ADAMTSL1: variants seen among roughly 807,000 people sequenced by gnomAD.
ADAMTSL1 encodes ADAMTS-like protein 1.
Under a neutral mutation model 201.8 loss-of-function variants are expected in ADAMTSL1, and 126 were observed. The ratio of observed to expected loss-of-function variants is 0.62; its 90% CI spans 0.54 to 0.72. ADAMTSL1 has a LOEUF of 0.72. Ranked by LOEUF, ADAMTSL1 falls within the 30% of genes least tolerant of loss-of-function variation. The probability of loss-of-function intolerance (pLI) is 0.00; values close to 1 mark genes in which losing one functional copy is unlikely to be tolerated. For missense variants in ADAMTSL1, 2,679 were observed against 2,277.8 expected (o/e 1.18, Z -3.59); for synonymous variants, 1,121 against 903.4 (o/e 1.24, Z -4.32).
At chr9:18,509,780 T>C (rs1480821161) in intron 2 of ADAMTSL1, among the ~76,000 whole-genome samples, 1 of 152,212 alleles carries the variant, frequency 6.6e-6, no homozygotes, top group Non-Finnish European at 1.5e-5. Flanking sequence ...GAGAGCCAAA[T>C]TGTTACATGT....
In ADAMTSL1 at chr9:18,908,421, G is replaced by A. The variant is rs764102405; in HGVS notation, c.5183-21G>A. ...ACATCTCTTTTCTGTCTCCTCTCCCGACCCCGTCCTCCTTTCCCAGTGGAG... is the reference window on the plus strand; with the variant it reads ...ACATCTCTTTTCTGTCTCCTCTCCCAACCCCGTCCTCCTTTCCCAGTGGAG... On this transcript the variant is annotated intron_variant, in intron 28 of 28. Coordinates refer to ENST00000380548, the MANE Select transcript of ADAMTSL1 (RefSeq NM_001040272.6). 129 of 1,544,326 alleles carry A rather than the reference G, an allele frequency of 8.4e-5. 1 individual carries two copies. The highest frequency in any genetic ancestry group is 3.6e-5 in the South Asian group (3 of 83,844).
chr9:18,022,273 A>G (rs1429629320), intron 1 of ADAMTSL1, among the ~76,000 whole-genome samples: 1 of 152,158 alleles, frequency 6.6e-6, no homozygotes, highest in African/African-American at 2.4e-5. Flanking sequence ...TAGGGAAGTC[A>G]TAGATACCTG....
intron 2 of ADAMTSL1, among the ~76,000 whole-genome samples, chr9:18,320,855 T>A (rs913207176): frequency 6.6e-6 from 1 of 151,982 alleles, no homozygotes; most frequent in African/African-American, 2.4e-5. Context: ...AGTTAAGCCG[T>A]TAGAAAAATT....
intron 1 of ADAMTSL1, among the ~76,000 whole-genome samples, chr9:18,090,951 T>C (rs1278678869): frequency 6.6e-6 from 1 of 151,294 alleles, no homozygotes; most frequent in African/African-American, 2.4e-5. Flanking sequence ...ACACTGTTCA[T>C]GTAGCTTCTC....
chr9:18,600,492 C>A lies in ADAMTSL1; in HGVS notation c.475-21751C>A, dbSNP rs141551415. On this transcript the variant is annotated intron_variant, in intron 4 of 28. Coordinates refer to ENST00000380548, the MANE Select transcript of ADAMTSL1 (RefSeq NM_001040272.6). ...GAATTATACTTCCCTCCTAGACAAC[C>A]CTCCCTGAATTTTAAGCCCCTGAGA... 3.7e-4 allele frequency among the ~76,000 whole-genome samples: 56 copies of A among 152,214 alleles called. 2 individuals are homozygous for A. The East Asian group carries it at 0.01, about 28-fold the overall frequency.
chr9:18,127,025 T>C (rs1825759734), intron 1 of ADAMTSL1, among the ~76,000 whole-genome samples: 2 of 152,152 alleles, frequency 1.3e-5, no homozygotes, highest in Non-Finnish European at 2.9e-5. Flanking sequence ...TCCGTCAAGA[T>C]GCTGGGCAGC....
intron 2 of ADAMTSL1, among the ~76,000 whole-genome samples, chr9:18,429,882 C>T (rs762540057): frequency 5.9e-5 from 9 of 151,976 alleles, no homozygotes; most frequent in South Asian, 4.2e-4. Flanking sequence ...CTCTGCCTCC[C>T]GGGTTCAAGC....
At chr9:18,317,440 T>A (rs1834450790) in intron 2 of ADAMTSL1, among the ~76,000 whole-genome samples, 2 of 152,090 alleles carry the variant, frequency 1.3e-5, no homozygotes, top group Admixed American at 1.3e-4. Flanking sequence ...GAGCAAATTT[T>A]AACTAAGTTT....
intron 2 of ADAMTSL1, among the ~76,000 whole-genome samples, chr9:18,166,316 G>C (rs938719392): frequency 4.6e-5 from 7 of 151,826 alleles, no homozygotes; most frequent in African/African-American, 1.7e-4. Context: ...TAGTCGTGGT[G>C]AGAAAACCCA....
intron 2 of ADAMTSL1, among the ~76,000 whole-genome samples, chr9:18,177,288 G>T (rs1428605617): frequency 1.3e-5 from 2 of 152,154 alleles, no homozygotes; most frequent in East Asian, 3.9e-4. Context: ...GGTGTTGTGT[G>T]CTGGACACCA....
chr9:18,513,043 A>G (rs1301882254), intron 2 of ADAMTSL1, among the ~76,000 whole-genome samples: 1 of 152,214 alleles, frequency 6.6e-6, no homozygotes. Flanking sequence ...TTAAGAAAAT[A>G]TTTCAGACTT....
intron 2 of ADAMTSL1, among the ~76,000 whole-genome samples, chr9:18,413,915 C>T (rs1818560812): frequency 6.6e-6 from 1 of 152,220 alleles, no homozygotes; most frequent in Non-Finnish European, 1.5e-5. Flanking sequence ...TTCAAATACT[C>T]AGAAGAAGAA....
At chr9:18,719,447 C>G (rs1013851373) in intron 14 of ADAMTSL1, among the ~76,000 whole-genome samples, 2 of 152,082 alleles carry the variant, frequency 1.3e-5, no homozygotes, top group Admixed American at 6.5e-5. Flanking sequence ...TCCCTGCAAC[C>G]TTCACCTCCC....
At chr9:18,066,028 A>ACAATGAC (rs1187444979) in intron 1 of ADAMTSL1, among the ~76,000 whole-genome samples, 1 of 150,224 alleles carries the variant, frequency 6.7e-6, no homozygotes, top group Non-Finnish European at 1.5e-5. Flanking sequence ...TGGCACCACC[A>ACAATGAC]CAATGACCAG....
chr9:18,574,494 G>C (rs1432976682), intron 4 of ADAMTSL1: 8 of 585,676 alleles, frequency 1.4e-5, no homozygotes, highest in Non-Finnish European at 3.0e-6. Flanking sequence ...AGTGTCACTT[G>C]AATATAAAAG....
chr9:18,879,353 GT>G (rs1329042862), intron 23 of ADAMTSL1, among the ~76,000 whole-genome samples: 1 of 152,164 alleles, frequency 6.6e-6, no homozygotes, highest in African/African-American at 2.4e-5. Flanking sequence ...ATGAATCTGT[GT>G]AACTAACCTT....
intron 1 of ADAMTSL1, among the ~76,000 whole-genome samples, chr9:18,040,580 C>A (rs1026018891): frequency 1.3e-5 from 2 of 152,094 alleles, no homozygotes; most frequent in African/African-American, 4.8e-5. Flanking sequence ...GCATGTAGAC[C>A]TTGATGTGAA....
At chr9:18,294,946 CCTT>C (rs1189586108) in intron 2 of ADAMTSL1, among the ~76,000 whole-genome samples, 1 of 152,052 alleles carries the variant, frequency 6.6e-6, no homozygotes. Context: ...CCTCTTTGCT[CCTT>C]CTTCTGCTCT....
chr9:18,351,357 T>C (rs907011048), intron 2 of ADAMTSL1, among the ~76,000 whole-genome samples: 3 of 152,072 alleles, frequency 2.0e-5, no homozygotes, highest in African/African-American at 7.2e-5. Context: ...ATGGTGATAG[T>C]TTTCTCAAAG....
Sources: gnomAD v4.1 joint callset for allele counts (sites outside exome capture counted in the v4.1 genomes callset) on GRCh38, gnomAD v4.1.1 for gene constraint, MANE v1.5 for transcripts, NCBI Gene and HGNC (gene_info 2026-07-23, HGNC 2026-07-21) for gene names.